B3GALT1: variants seen among roughly 807,000 people sequenced by gnomAD.
The protein encoded by B3GALT1 is UDP-Gal:betaGlcNAc beta 1,3-galactosyltransferase, polypeptide 1.
Under a neutral mutation model 23.2 loss-of-function variants are expected in B3GALT1, and 10 were observed. The ratio of observed to expected loss-of-function variants is 0.43; its 90% CI spans 0.27 to 0.73. B3GALT1 has a LOEUF of 0.73. Ranked by LOEUF, B3GALT1 falls within the 30% of genes least tolerant of loss-of-function variation. The probability of loss-of-function intolerance (pLI) is 0.21; values close to 1 mark genes in which losing one functional copy is unlikely to be tolerated. For synonymous variants in B3GALT1, 156 were observed against 141.5 expected (o/e 1.10, Z -0.73); for missense variants, 299 against 405.4 (o/e 0.74, Z 2.25).
chr2:167,802,220 C>T (rs1466339114), intron 3 of B3GALT1, among the ~76,000 whole-genome samples: 2 of 152,196 alleles, frequency 1.3e-5, no homozygotes, highest in African/African-American at 2.4e-5. Context: ...GTCCAGCACA[C>T]GGACTTAGCA....
intron 1 of B3GALT1, among the ~76,000 whole-genome samples, chr2:167,441,869 TTTTAA>T (rs1327315380): frequency 6.8e-5 from 10 of 146,862 alleles, no homozygotes; most frequent in African/African-American, 1.1e-4. Context: ...GTTTTTTTTT[TTTTAA>T]TTTAATTTAT....
intron 3 of B3GALT1, among the ~76,000 whole-genome samples, chr2:167,744,868 G>A (rs112846308): frequency 0.13 from 20,350 of 152,066 alleles, 1,565 homozygotes; most frequent in South Asian, 0.2. Context: ...GATTACAGGC[G>A]TGAACCACCA....
At chr2:167,337,374 ACACACACATGCACACG>A (rs1390188921) in intron 1 of B3GALT1, among the ~76,000 whole-genome samples, 1 of 151,954 alleles carries the variant, frequency 6.6e-6, no homozygotes, top group Non-Finnish European at 1.5e-5. Flanking sequence ...CTCACACCAT[ACACACACATGCACACG>A]CACACACACC....
At chr2:167,841,054 T>C (rs1179822194) in intron 4 of B3GALT1, among the ~76,000 whole-genome samples, 7 of 145,518 alleles carry the variant, frequency 4.8e-5, no homozygotes, top group South Asian at 2.4e-4. Flanking sequence ...AGGGATAGCA[T>C]TGGGAGATAT....
At chr2:167,677,886 A>G (rs1686454871) in intron 3 of B3GALT1, among the ~76,000 whole-genome samples, 1 of 152,202 alleles carries the variant, frequency 6.6e-6, no homozygotes, top group South Asian at 2.1e-4. Flanking sequence ...AGAAAGAAGT[A>G]CAGAGTAAAG....
intron 2 of B3GALT1, among the ~76,000 whole-genome samples, chr2:167,596,856 A>C (rs1684782534): frequency 6.6e-6 from 1 of 152,202 alleles, no homozygotes; most frequent in Non-Finnish European, 1.5e-5. Context: ...ACAGAGTGTG[A>C]ATTAAATGGC....
intron 1 of B3GALT1, among the ~76,000 whole-genome samples, chr2:167,362,548 A>G (rs1283175761): frequency 6.6e-6 from 1 of 150,908 alleles, no homozygotes; most frequent in East Asian, 2.0e-4. Flanking sequence ...TTCATTTTTT[A>G]TTTTTTCAGG....
chr2:167,384,067 C>T (rs773763969), intron 1 of B3GALT1, among the ~76,000 whole-genome samples: 29 of 152,110 alleles, frequency 1.9e-4, no homozygotes, highest in Non-Finnish European at 3.4e-4. Flanking sequence ...ACTTCAGTAA[C>T]CAGCGATTTG....
At position 167,369,081 on chromosome 2, in the gene B3GALT1, G is replaced by C. The variant is rs1429677346; in HGVS notation, c.-511+75747G>C. On this transcript the variant is annotated intron_variant, in intron 1 of 4. Transcript: ENST00000392690. Reference sequence around the variant, plus strand: ...CTTATTTGTGTGTGTGTGTGTGTGTGTGTGTGTGTGTGTGTGTGTGTGTGT... The same window carrying C: ...CTTATTTGTGTGTGTGTGTGTGTGTCTGTGTGTGTGTGTGTGTGTGTGTGT... 3.3e-4 allele frequency among the ~76,000 whole-genome samples: 4 copies of C among 12,148 alleles called. No homozygotes were observed. The East Asian group carries it at 0.03, about 91-fold the overall frequency. The allele number at this position is 12,148 out of a possible 152,430, so 8.0% of individuals were successfully genotyped here.
At chr2:167,520,803 C>T (rs1377842898) in intron 2 of B3GALT1, among the ~76,000 whole-genome samples, 3 of 152,180 alleles carry the variant, frequency 2.0e-5, no homozygotes, top group African/African-American at 7.2e-5. Context: ...AATCTCTGCT[C>T]ACATCTGCAG....
At chr2:167,489,094 C>T (rs1699666810) in intron 1 of B3GALT1, among the ~76,000 whole-genome samples, 1 of 151,938 alleles carries the variant, frequency 6.6e-6, no homozygotes, top group African/African-American at 2.4e-5. Context: ...AAGTAGAGTT[C>T]AGAGGTGCCA....
intron 1 of B3GALT1, among the ~76,000 whole-genome samples, chr2:167,334,244 A>T (rs13428468): frequency 0.016 from 2,510 of 152,304 alleles, 58 homozygotes; most frequent in East Asian, 0.083. Flanking sequence ...CCATTTGGCA[A>T]CTGACTGCCT....
intron 1 of B3GALT1, among the ~76,000 whole-genome samples, chr2:167,412,229 G>A (rs1698404171): frequency 1.3e-5 from 2 of 152,038 alleles, no homozygotes; most frequent in Admixed American, 6.5e-5. Flanking sequence ...GTCATTAAAC[G>A]TGAAGAAAAG....
At chr2:167,817,590 C>T (rs112888093) in intron 3 of B3GALT1, among the ~76,000 whole-genome samples, 1,657 of 152,256 alleles carry the variant, frequency 0.011, 29 homozygotes, top group African/African-American at 0.038. Context: ...AAACTGGAAC[C>T]AGCAAATGGA....
At chr2:167,569,609 A>G (rs1684254412) in intron 2 of B3GALT1, among the ~76,000 whole-genome samples, 1 of 151,896 alleles carries the variant, frequency 6.6e-6, no homozygotes, top group Non-Finnish European at 1.5e-5. Context: ...TTTGCAAACA[A>G]TGAGCATTTT....
At chr2:167,563,249 C>CCCGGACGGGGTGGCTGG (rs1684053847) in intron 2 of B3GALT1, among the ~76,000 whole-genome samples, 1 of 148,226 alleles carries the variant, frequency 6.7e-6, no homozygotes, top group African/African-American at 2.6e-5. Flanking sequence ...CCCCCCACCT[C>CCCGGACGGGGTGGCTGG]CCAGACGGGG....
intron 1 of B3GALT1, among the ~76,000 whole-genome samples, chr2:167,377,127 T>G (rs570456325): frequency 6.6e-6 from 1 of 152,306 alleles, no homozygotes; most frequent in East Asian, 1.9e-4. Context: ...TTGTTAAATT[T>G]CCATGTAATT....
chr2:167,736,842 G>A (rs1267376662), intron 3 of B3GALT1, among the ~76,000 whole-genome samples: 1 of 152,198 alleles, frequency 6.6e-6, no homozygotes, highest in African/African-American at 2.4e-5. Context: ...GCTGAGGCAT[G>A]AGAATCACTT....
chr2:167,389,934 A>AG (rs1697993142), intron 1 of B3GALT1, among the ~76,000 whole-genome samples: 1 of 145,348 alleles, frequency 6.9e-6, no homozygotes, highest in South Asian at 2.1e-4. Context: ...ACAAAAAAAA[A>AG]AAAGAAAGAA....
Sources: gnomAD v4.1 joint callset for allele counts (sites outside exome capture counted in the v4.1 genomes callset) on GRCh38, gnomAD v4.1.1 for gene constraint, MANE v1.5 for transcripts, NCBI Gene and HGNC (gene_info 2026-07-23, HGNC 2026-07-21) for gene names.